The following ST8SIA1 variants were observed in gnomAD, a reference collection of about 807,000 sequenced individuals.
The protein encoded by ST8SIA1 is alpha-N-acetylneuraminide alpha-2,8-sialyltransferase.
Under a neutral mutation model 35.9 loss-of-function variants are expected in ST8SIA1, and 16 were observed. That is an observed-to-expected ratio of 0.45 (90% CI 0.30 to 0.68). ST8SIA1 has a LOEUF of 0.68. Ranked by LOEUF, ST8SIA1 falls within the 30% of genes least tolerant of loss-of-function variation. The probability of loss-of-function intolerance (pLI) is 0.09; values close to 1 mark genes in which losing one functional copy is unlikely to be tolerated. For synonymous variants in ST8SIA1, 170 were observed against 169.6 expected (o/e 1.00, Z -0.02); for missense variants, 383 against 453.6 (o/e 0.84, Z 1.41).
At chr12:22,267,349 G>A (rs576599339) in intron 2 of ST8SIA1, among the ~76,000 whole-genome samples, 22 of 152,048 alleles carry the variant, frequency 1.4e-4, no homozygotes, top group Non-Finnish European at 2.4e-4. Flanking sequence ...AAAAAAGCAT[G>A]TCCATGATTG....
intron 1 of ST8SIA1, among the ~76,000 whole-genome samples, chr12:22,327,252 A>G (rs1866693439): frequency 6.6e-6 from 1 of 152,244 alleles, no homozygotes; most frequent in Non-Finnish European, 1.5e-5. Context: ...GGAATGCCAA[A>G]TTCAAATTTA....
chr12:22,325,621 A>C, intron 1 of ST8SIA1: 1 of 624,992 alleles, frequency 1.6e-6, no homozygotes, highest in Non-Finnish European at 2.8e-6. Context: ...TGGAGGATAC[A>C]TTCCAAGACC....
chr12:22,248,926 A>G, intron 4 of ST8SIA1, 80 bp downstream of exon 4: 2 of 1,048,930 alleles, frequency 1.9e-6, no homozygotes, highest in Non-Finnish European at 2.9e-6. Context: ...AAACTGAATT[A>G]TGCTCACTGC....
At chr12:22,263,394 T>A (rs2135801556) in intron 2 of ST8SIA1, among the ~76,000 whole-genome samples, 1 of 152,348 alleles carries the variant, frequency 6.6e-6, no homozygotes, top group Admixed American at 6.5e-5. Context: ...ACTCCCTAGT[T>A]CCTCTTTTAT....
intron 4 of ST8SIA1, among the ~76,000 whole-genome samples, chr12:22,203,155 C>T (rs1353270100): frequency 6.6e-6 from 1 of 151,616 alleles, no homozygotes; most frequent in East Asian, 1.9e-4. Flanking sequence ...GCCTGGAGAC[C>T]AGGTAAGAGG....
At chr12:22,283,943 G>A (rs1020291044) in intron 2 of ST8SIA1, among the ~76,000 whole-genome samples, 5 of 152,180 alleles carry the variant, frequency 3.3e-5, no homozygotes, top group Admixed American at 1.3e-4. Context: ...TATGTACACC[G>A]CATTATGTGG....
chr12:22,232,537 A>T (rs1865431707), intron 4 of ST8SIA1, among the ~76,000 whole-genome samples: 1 of 152,206 alleles, frequency 6.6e-6, no homozygotes, highest in South Asian at 2.1e-4. Flanking sequence ...TTCATATTAC[A>T]TATCCAAATA....
At chr12:22,234,765 A>T (rs1865457832) in intron 4 of ST8SIA1, among the ~76,000 whole-genome samples, 1 of 152,206 alleles carries the variant, frequency 6.6e-6, no homozygotes, top group Non-Finnish European at 1.5e-5. Flanking sequence ...CCCAGTGCCA[A>T]CTATGCCTCA....
At chr12:22,243,668 T>C (rs1865565643) in intron 4 of ST8SIA1, among the ~76,000 whole-genome samples, 2 of 152,232 alleles carry the variant, frequency 1.3e-5, no homozygotes, top group Admixed American at 1.3e-4. Context: ...AACATTGTAT[T>C]CCAATTTGAG....
intron 1 of ST8SIA1, among the ~76,000 whole-genome samples, chr12:22,314,794 C>T (rs990109420): frequency 3.3e-5 from 5 of 152,142 alleles, no homozygotes; most frequent in African/African-American, 1.2e-4. Context: ...TCCAGGCGTA[C>T]TTCTCCCAGA....
At chr12:22,216,525 T>C (rs1357781899) in intron 4 of ST8SIA1, among the ~76,000 whole-genome samples, 1 of 152,208 alleles carries the variant, frequency 6.6e-6, no homozygotes, top group Non-Finnish European at 1.5e-5. Context: ...TCATGGTATC[T>C]ACTATAAAAA....
intron 1 of ST8SIA1, among the ~76,000 whole-genome samples, chr12:22,309,197 A>G (rs1044326239): frequency 2.0e-5 from 3 of 152,136 alleles, no homozygotes; most frequent in African/African-American, 7.2e-5. Context: ...AGGGATAGGA[A>G]GTTGGACACA....
At chr12:22,231,744 T>C (rs1461439148) in intron 4 of ST8SIA1, among the ~76,000 whole-genome samples, 1 of 151,972 alleles carries the variant, frequency 6.6e-6, no homozygotes, top group African/African-American at 2.4e-5. Flanking sequence ...CGGCTAATTT[T>C]TTGTATTTTT....
intron 4 of ST8SIA1, among the ~76,000 whole-genome samples, chr12:22,244,668 G>A (rs1203426880): frequency 1.3e-5 from 2 of 151,958 alleles, no homozygotes; most frequent in African/African-American, 4.8e-5. Flanking sequence ...ATGTTGTCCG[G>A]ACTGGTCTCA....
Position 22,201,479 on chromosome 12 carries a change from C to T in ST8SIA1, c.*73G>A, listed in dbSNP as rs1185700533. The T allele has an allele frequency of 6.6e-7, 1 of 1,511,196 alleles. No homozygotes were observed. Among genetic ancestry groups the T allele is most frequent in the Non-Finnish European group, 8.8e-7 (1 of 1,131,746 alleles). The allele number at this position is 1,511,196 out of a possible 1,614,324, so 93.6% of individuals were successfully genotyped here. A position where few individuals can be genotyped will look rare whatever the true frequency, so the allele number is the denominator to read the frequency against. Reference sequence around the variant, plus strand: ...CATGCAAACTCATGAAACAACTTGACCATTCCCTCTTGGAGTCACATAGAA... The same window carrying T: ...CATGCAAACTCATGAAACAACTTGATCATTCCCTCTTGGAGTCACATAGAA... On this transcript the variant is annotated 3_prime_UTR_variant, in exon 5 of 5. Transcript: ENST00000396037.
chr12:22,301,666 G>A (rs1317323208), intron 1 of ST8SIA1, among the ~76,000 whole-genome samples: 2 of 152,176 alleles, frequency 1.3e-5, no homozygotes, highest in South Asian at 2.1e-4. Context: ...GGCATGGTGT[G>A]CTTTCCTTTA....
intron 2 of ST8SIA1, among the ~76,000 whole-genome samples, chr12:22,275,740 G>C (rs552718663): frequency 6.6e-6 from 1 of 152,322 alleles, no homozygotes; most frequent in East Asian, 1.9e-4. Flanking sequence ...CTGTCAACAG[G>C]AAAAAGATGT....
At chr12:22,243,553 C>G (rs763303616) in intron 4 of ST8SIA1, among the ~76,000 whole-genome samples, 29 of 150,296 alleles carry the variant, frequency 1.9e-4, no homozygotes, top group Admixed American at 5.4e-4. Context: ...GCCACATGAA[C>G]AAGATGCTAT....
intron 1 of ST8SIA1, among the ~76,000 whole-genome samples, chr12:22,331,223 C>T (rs757420779): frequency 1.3e-5 from 2 of 152,164 alleles, no homozygotes; most frequent in African/African-American, 2.4e-5. Flanking sequence ...AGAATTTAAC[C>T]GTATGTTAAG....
Sources: allele counts gnomAD v4.1 joint callset (sites outside exome capture counted in the v4.1 genomes callset), GRCh38; gene constraint gnomAD v4.1.1; transcripts MANE v1.5; gene names NCBI Gene and HGNC (gene_info 2026-07-23, HGNC 2026-07-21).